Variants in RNASEH2B observed in about 807,000 individuals in gnomAD.
The protein encoded by RNASEH2B is ribonuclease H2 subunit B, also known as Aicardi-Goutieres syndrome 2 protein.
A neutral mutation model predicts 45.0 loss-of-function variants in RNASEH2B; 36 were observed. The ratio of observed to expected loss-of-function variants is 0.80; its 90% CI spans 0.61 to 1.06. The LOEUF (loss-of-function observed/expected upper bound fraction) is 1.06. Ranked by LOEUF, RNASEH2B falls within the 50% of genes least tolerant of loss-of-function variation. RNASEH2B has a pLI of 0.00. For synonymous variants in RNASEH2B, 119 were observed against 125.7 expected (o/e 0.95, Z 0.35); for missense variants, 361 against 360.3 (o/e 1.00, Z -0.02).
rs551658315 is a variant in RNASEH2B, at chr13:50,956,747, C to T, written c.*273C>T. 6.4e-5 allele frequency: 76 copies of T among 1,188,006 alleles called. No homozygotes were observed. The highest frequency in any genetic ancestry group is 4.4e-4 in the South Asian group (25 of 56,842). 73.6% of individuals were successfully genotyped at this position (1,188,006 alleles called of 1,614,324 possible). ...ATAGCATCATGATTTTCTCAATAAA[C>T]TGATGTGTGACAATGTTAGAGTGTA... On this transcript the variant is annotated 3_prime_UTR_variant, in exon 11 of 11. Transcript: ENST00000336617.
chr13:50,970,074 AG>A, exon 10 of RNASEH2B: 1 of 1,033,978 alleles, frequency 9.7e-7, no homozygotes, highest in South Asian at 1.4e-5. Context: ...AGGTGCCAAA[AG>A]GTGCATTTTA....
intron 9 of RNASEH2B, among the ~76,000 whole-genome samples, chr13:50,967,198 T>C (rs1952173568): frequency 6.6e-6 from 1 of 152,214 alleles, no homozygotes; most frequent in African/African-American, 2.4e-5. Context: ...GTGCTTACCA[T>C]GCACTAGGCA....
intron 1 of RNASEH2B, among the ~76,000 whole-genome samples, chr13:50,915,783 G>A (rs982601577): frequency 6.6e-6 from 1 of 152,200 alleles, no homozygotes; most frequent in South Asian, 2.1e-4. Context: ...GTGGCAAGGG[G>A]ATGTAAGGGA....
chr13:50,929,910 G>A (rs1357564339), intron 3 of RNASEH2B, among the ~76,000 whole-genome samples: 1 of 152,178 alleles, frequency 6.6e-6, no homozygotes, highest in African/African-American at 2.4e-5. Flanking sequence ...GAGGATCTTT[G>A]TGTTTTTAAC....
At chr13:50,967,201 A>G (rs901736069) in intron 9 of RNASEH2B, among the ~76,000 whole-genome samples, 1 of 152,224 alleles carries the variant, frequency 6.6e-6, no homozygotes, top group Non-Finnish European at 1.5e-5. Flanking sequence ...CTTACCATGC[A>G]CTAGGCACTC....
intron 5 of RNASEH2B, chr13:50,937,983 A>T (rs186331356): frequency 3.8e-4 from 58 of 152,382 alleles, no homozygotes; most frequent in Non-Finnish European, 4.4e-5. Context: ...TTGGAAAGTC[A>T]GTAGTACAAC....
At chr13:50,951,391 A>G (rs1303466653) in intron 9 of RNASEH2B, 1 of 152,174 alleles carries the variant, frequency 6.6e-6, no homozygotes, top group Non-Finnish European at 1.5e-5. Context: ...CTATGTTGTA[A>G]TCGATAGCGT....
chr13:50,947,860 C>G, intron 7 of RNASEH2B, 127 bp from the exon 8 acceptor site: 1 of 1,482,532 alleles, frequency 6.7e-7, no homozygotes, highest in East Asian at 2.3e-5. Context: ...AAAACTGAGG[C>G]TAGAGCTTAA....
intron 4 of RNASEH2B, among the ~76,000 whole-genome samples, chr13:50,932,853 A>G (rs546498365): frequency 6.6e-6 from 1 of 152,322 alleles, no homozygotes; most frequent in South Asian, 2.1e-4. Flanking sequence ...AGTTGCTGTA[A>G]ATACTGAAAG....
At chr13:50,939,157 A>G (rs1951800311) in intron 5 of RNASEH2B, 1 of 152,336 alleles carries the variant, frequency 6.6e-6, no homozygotes, top group Non-Finnish European at 1.5e-5. Context: ...GATCGAAACC[A>G]TCCTGGCTAA....
chr13:50,970,354 A>G lies in RNASEH2B; in HGVS notation c.*390A>G, dbSNP rs1952209562. The G allele has an allele frequency of 8.8e-6, 4 of 451,982 alleles. No individual in the cohort carries two copies. In the South Asian group the frequency reaches 1.7e-4, roughly 19 times the overall value. 28.0% of individuals were successfully genotyped at this position (451,982 alleles called of 1,614,324 possible). On this transcript the variant is annotated 3_prime_UTR_variant, in exon 10 of 10. Coordinates refer to the RNASEH2B transcript ENST00000422660. ...TTTCAACCCTTACTTTAAAAATCTGACACTGCTTTACTCCATATCAATTTG... is the reference window on the plus strand; with the variant it reads ...TTTCAACCCTTACTTTAAAAATCTGGCACTGCTTTACTCCATATCAATTTG...
intron 9 of RNASEH2B, among the ~76,000 whole-genome samples, chr13:50,967,367 A>G (rs1033728109): frequency 1.3e-5 from 2 of 152,246 alleles, no homozygotes; most frequent in African/African-American, 4.8e-5. Flanking sequence ...TCACTTTGCC[A>G]TAGAAAGAAA....
At chr13:50,944,724 A>G (rs1241541559) in intron 6 of RNASEH2B, among the ~76,000 whole-genome samples, 3 of 152,204 alleles carry the variant, frequency 2.0e-5, no homozygotes, top group African/African-American at 7.2e-5. Flanking sequence ...AGTCCAGTAG[A>G]ATAATCAGTC....
chr13:50,966,597 G>C (rs4941678), intron 9 of RNASEH2B, among the ~76,000 whole-genome samples: 96,950 of 151,620 alleles, frequency 0.64, 31,414 homozygotes, highest in African/African-American at 0.72. Context: ...TTACCTTGTA[G>C]TCTCAGACCC....
intron 6 of RNASEH2B, among the ~76,000 whole-genome samples, chr13:50,944,580 T>G (rs1284134075): frequency 1.3e-5 from 2 of 152,106 alleles, no homozygotes; most frequent in African/African-American, 4.8e-5. Context: ...ATGACAAACC[T>G]GCATGTTCTG....
chr13:50,950,134 C>T (rs1361880381), intron 9 of RNASEH2B: 2 of 152,474 alleles, frequency 1.3e-5, no homozygotes, highest in African/African-American at 4.8e-5. Flanking sequence ...GTTCCTTCAG[C>T]CCAGGCCAGA....
At chr13:50,956,895 G>A, downstream of RNASEH2B, 1 of 354,522 alleles carries the variant, frequency 2.8e-6, no homozygotes, top group Admixed American at 6.5e-5. Context: ...TTTAGTTTTT[G>A]GTAAATTTTT....
downstream of RNASEH2B, among the ~76,000 whole-genome samples, chr13:50,957,261 C>T (rs1276048417): frequency 6.6e-6 from 1 of 152,110 alleles, no homozygotes; most frequent in African/African-American, 2.4e-5. Flanking sequence ...TCTTCCTCCC[C>T]TTGAAGTCCC....
intron 9 of RNASEH2B, among the ~76,000 whole-genome samples, chr13:50,964,097 G>A (rs56872702): frequency 0.14 from 21,176 of 152,098 alleles, 1,732 homozygotes; most frequent in East Asian, 0.36. Flanking sequence ...TACTCGGGAG[G>A]CTGAGGCAGG....
Sources: allele counts gnomAD v4.1 joint callset (sites outside exome capture counted in the v4.1 genomes callset), GRCh38; gene constraint gnomAD v4.1.1; transcripts MANE v1.5; gene names NCBI Gene and HGNC (gene_info 2026-07-23, HGNC 2026-07-21).